TIMP3: variants seen among roughly 807,000 people sequenced by gnomAD.
TIMP3 encodes metalloproteinase inhibitor 3.
TIMP3 carries 11 observed loss-of-function variants against 30.0 expected under a neutral mutation model. That is an observed-to-expected ratio of 0.37 (90% CI 0.23 to 0.61). The LOEUF is 0.61. Ranked by LOEUF, TIMP3 falls within the 20% of genes least tolerant of loss-of-function variation. The pLI is 0.70. For synonymous variants in TIMP3, 112 were observed against 111.3 expected (o/e 1.01, Z -0.04); for missense variants, 181 against 276.8 (o/e 0.65, Z 2.45).
intron 1 of TIMP3, among the ~76,000 whole-genome samples, chr22:32,816,816 G>C (rs1306298684): frequency 2.6e-5 from 4 of 152,186 alleles, no homozygotes; most frequent in African/African-American, 9.7e-5. Context: ...AGCACCTCTT[G>C]TAAGTCATCA....
At chr22:32,828,057 G>A (rs1001812968) in intron 1 of TIMP3, among the ~76,000 whole-genome samples, 5 of 152,230 alleles carry the variant, frequency 3.3e-5, no homozygotes, top group Non-Finnish European at 5.9e-5. Flanking sequence ...TTCCTCCTCC[G>A]TTACTTAGGC....
chr22:32,849,651 C>A, intron 2 of TIMP3, 117 bp downstream of exon 2: 2 of 878,496 alleles, frequency 2.3e-6, no homozygotes, highest in Non-Finnish European at 3.7e-6. Flanking sequence ...ACCAGCCAGA[C>A]CCAGCCCTTC....
At chr22:32,820,313 C>T (rs1414362838) in intron 1 of TIMP3, among the ~76,000 whole-genome samples, 3 of 146,472 alleles carry the variant, frequency 2.0e-5, no homozygotes, top group Admixed American at 6.8e-5. Context: ...TGTTCTACTC[C>T]GTGTGTGTGT....
At chr22:32,806,427 A>G (rs369967573) in intron 1 of TIMP3, among the ~76,000 whole-genome samples, 1 of 152,314 alleles carries the variant, frequency 6.6e-6, no homozygotes, top group East Asian at 1.9e-4. Context: ...ACGATTCTCC[A>G]TCGCACTTGG....
intron 1 of TIMP3, among the ~76,000 whole-genome samples, chr22:32,838,361 C>T (rs2047797317): frequency 6.6e-6 from 1 of 152,134 alleles, no homozygotes; most frequent in African/African-American, 2.4e-5. Flanking sequence ...CTTCATATTT[C>T]CTGAGTGCTA....
chr22:32,832,794 A>G (rs555277413), intron 1 of TIMP3, among the ~76,000 whole-genome samples: 2 of 152,046 alleles, frequency 1.3e-5, no homozygotes, highest in Non-Finnish European at 2.9e-5. Flanking sequence ...GTGGCATGAT[A>G]CTGGCTTCCT....
rs2046594994 is a variant in TIMP3 at position 32,801,950 on chromosome 22, G to C, written c.-52G>C. ...CAGCAGCCCCGCCGGCGGCGCGCAC[G>C]GCAACTTTGGAGAGGCGAGCAGCAG... is the stretch of plus-strand genomic sequence containing the variant. On this transcript the variant is annotated 5_prime_UTR_variant, in exon 1 of 5. Coordinates refer to ENST00000266085, the MANE Select transcript of TIMP3 (RefSeq NM_000362.5). This position sits in a 1 kb window ranked among gnomAD's most constrained non-coding sequence, Gnocchi z 4.7. The C allele has an allele frequency of 3.9e-6, 6 of 1,552,160 alleles. No individual in the cohort carries two copies. Among genetic ancestry groups the C allele is most frequent in the Admixed American group, 1.8e-5 (1 of 54,216 alleles).
At chr22:32,828,592 C>T (rs1475084334) in intron 1 of TIMP3, among the ~76,000 whole-genome samples, 1 of 152,214 alleles carries the variant, frequency 6.6e-6, no homozygotes, top group East Asian at 1.9e-4. Flanking sequence ...GGTCTGTTTG[C>T]TTCCCAGTTG....
chr22:32,814,535 G>C (rs1481918120), intron 1 of TIMP3, among the ~76,000 whole-genome samples: 1 of 152,134 alleles, frequency 6.6e-6, no homozygotes, highest in East Asian at 1.9e-4. Context: ...GACCAGAGTG[G>C]AGATTTAGAA....
In TIMP3 at chr22:32,861,175, A is replaced by AG. The variant is rs1014305068; in HGVS notation, c.*1799dup. On this transcript the variant is annotated 3_prime_UTR_variant, in exon 5 of 5. Coordinates refer to ENST00000266085, the MANE Select transcript of TIMP3 (RefSeq NM_000362.5). ...CAGAGCTGCCAATTGAAACAGAAGA[A>AG]GAAAAAAAAAAAAAGCAGCAGACAA... 1 of 106,564 alleles carries AG rather than the reference A, an allele frequency of 9.4e-6. No individual in the cohort carries two copies. The highest frequency in any genetic ancestry group is 4.6e-5 in the African/African-American group (1 of 21,878). The allele number at this position is 106,564 out of a possible 1,614,324, so 6.6% of individuals were successfully genotyped here.
Position 32,837,342 on chromosome 22 carries a change from C to A in TIMP3, c.122-12110C>A, listed in dbSNP as rs910332346. The stretch of plus-strand genomic sequence containing the variant: ...GGGATAGGGGGTGGTCTCAGCCCCC[C>A]TCACCGAGTGCACTTGCATGGCAGT... On this transcript the variant is annotated intron_variant, in intron 1 of 4. Transcript: ENST00000266085. The surrounding 1 kb of genome is among the most constrained non-coding windows in gnomAD (Gnocchi z 4.1). 6.6e-6 allele frequency among the ~76,000 whole-genome samples: 1 copy of A among 152,170 alleles called. No homozygotes were observed. The highest frequency in any genetic ancestry group is 2.1e-4 in the South Asian group (1 of 4,828).
chr22:32,821,989 C>G (rs1194210773), intron 1 of TIMP3, among the ~76,000 whole-genome samples: 2 of 152,066 alleles, frequency 1.3e-5, no homozygotes, highest in South Asian at 2.1e-4. Context: ...AACCCCATCT[C>G]TACTAAAAAT....
chr22:32,802,272 G>C (rs1360466852), intron 1 of TIMP3, 150 bp downstream of exon 1: 1 of 1,258,014 alleles, frequency 7.9e-7, no homozygotes, highest in Admixed American at 2.7e-5. Context: ...GATGTCCTTG[G>C]GCGGGGGCGC....
intron 1 of TIMP3, among the ~76,000 whole-genome samples, chr22:32,843,900 G>A (rs1368226979): frequency 6.6e-6 from 1 of 151,956 alleles, no homozygotes; most frequent in Non-Finnish European, 1.5e-5. Context: ...TCATTCTATG[G>A]GGTCTTTGGA....
intron 1 of TIMP3, among the ~76,000 whole-genome samples, chr22:32,802,828 A>G (rs548563345): frequency 3.9e-5 from 6 of 152,194 alleles, no homozygotes; most frequent in East Asian, 3.9e-4. Context: ...CAGGAAGGCT[A>G]TTTTTTTCCC....
intron 1 of TIMP3, among the ~76,000 whole-genome samples, chr22:32,822,935 A>T (rs2047295113): frequency 6.6e-6 from 1 of 152,102 alleles, no homozygotes; most frequent in South Asian, 2.1e-4. Context: ...ACAACAAAAA[A>T]AAAACAGAGA....
intron 1 of TIMP3, among the ~76,000 whole-genome samples, chr22:32,827,986 T>C (rs1159244543): frequency 6.6e-6 from 1 of 152,174 alleles, no homozygotes; most frequent in African/African-American, 2.4e-5. Context: ...TCCTTGTCTA[T>C]TCCCCTTTGC....
At chr22:32,853,125 C>T (rs2048269360) in intron 2 of TIMP3, among the ~76,000 whole-genome samples, 1 of 152,150 alleles carries the variant, frequency 6.6e-6, no homozygotes, top group African/African-American at 2.4e-5. Context: ...CAGGGTCTCG[C>T]CTTTGAAGCT....
chr22:32,853,458 G>A (rs2048279894), intron 2 of TIMP3, among the ~76,000 whole-genome samples: 1 of 152,190 alleles, frequency 6.6e-6, no homozygotes. Context: ...TAGAGTGAAG[G>A]CCAGACATTT....
Sources: gnomAD v4.1 joint callset for allele counts (sites outside exome capture counted in the v4.1 genomes callset) on GRCh38, gnomAD v4.1.1 for gene constraint, Gnocchi (gnomAD v3.1) non-coding constraint, MANE v1.5 for transcripts, NCBI Gene and HGNC (gene_info 2026-07-23, HGNC 2026-07-21) for gene names.